LRRC40: variants seen among roughly 807,000 people sequenced by gnomAD.
LRRC40 encodes leucine rich repeat containing 40.
LRRC40 carries 76 observed loss-of-function variants against 72.8 expected under a neutral mutation model. The observed-to-expected ratio is 1.04, with a 90% CI of 0.87 to 1.26. The LOEUF (loss-of-function observed/expected upper bound fraction) is 1.26, where lower values mean the gene tolerates loss of function less well. LRRC40 is among the 50% of genes most tolerant of loss of function. The pLI, the probability that LRRC40 is intolerant of heterozygous loss-of-function variation, is 0.00. For synonymous variants in LRRC40, 243 were observed against 254.2 expected (o/e 0.96, Z 0.42); for missense variants, 684 against 698.9 (o/e 0.98, Z 0.24).
chr1:70,201,318 T>A (rs1668733144), intron 1 of LRRC40, among the ~76,000 whole-genome samples: 1 of 152,314 alleles, frequency 6.6e-6, no homozygotes, highest in South Asian at 2.1e-4. Flanking sequence ...AAGGGACAAG[T>A]TAGTAAGTTT....
intron 1 of LRRC40, among the ~76,000 whole-genome samples, chr1:70,196,286 A>G (rs1353729871): frequency 6.6e-6 from 1 of 152,166 alleles, no homozygotes; most frequent in African/African-American, 2.4e-5. Flanking sequence ...GTGGTGGCTC[A>G]TGCCCATAAT....
chr1:70,193,742 G>T (rs918258208), intron 1 of LRRC40, among the ~76,000 whole-genome samples: 4 of 151,888 alleles, frequency 2.6e-5, no homozygotes, highest in African/African-American at 9.7e-5. Flanking sequence ...TATATAAAAA[G>T]GATAACATAT....
chr1:70,200,828 C>G (rs1481504272), intron 1 of LRRC40, among the ~76,000 whole-genome samples: 2 of 151,910 alleles, frequency 1.3e-5, no homozygotes, highest in South Asian at 2.1e-4. Context: ...AGAGAGCGTG[C>G]AAGAGAGAGA....
intron 10 of LRRC40, among the ~76,000 whole-genome samples, chr1:70,157,029 A>G (rs1667652729): frequency 1.3e-5 from 2 of 152,176 alleles, no homozygotes; most frequent in South Asian, 4.1e-4. Flanking sequence ...TCTTCTTTTA[A>G]AATTATTAGT....
intron 14 of LRRC40, among the ~76,000 whole-genome samples, chr1:70,146,457 A>G (rs1667297293): frequency 1.3e-5 from 2 of 152,210 alleles, no homozygotes; most frequent in African/African-American, 4.8e-5. Flanking sequence ...CACTCTTAAC[A>G]ATCCTATTTT....
At chr1:70,177,159 C>T (rs562645969) in intron 6 of LRRC40, among the ~76,000 whole-genome samples, 3 of 152,038 alleles carry the variant, frequency 2.0e-5, no homozygotes, top group Non-Finnish European at 4.4e-5. Context: ...ACCTGTAATC[C>T]CAGCTACTCG....
At chr1:70,200,241 A>C (rs181246826) in intron 1 of LRRC40, among the ~76,000 whole-genome samples, 41 of 152,280 alleles carry the variant, frequency 2.7e-4, no homozygotes, top group Admixed American at 2.7e-3. Flanking sequence ...CCAAGGCAGG[A>C]GGATTGTGGA....
intron 13 of LRRC40, among the ~76,000 whole-genome samples, chr1:70,149,164 C>A (rs537717719): frequency 6.6e-6 from 1 of 152,140 alleles, no homozygotes; most frequent in Non-Finnish European, 1.5e-5. Flanking sequence ...TCCAAGCAAC[C>A]CTGAAGATGC....
At chr1:70,169,643 G>A (rs937227348) in intron 9 of LRRC40, among the ~76,000 whole-genome samples, 1 of 151,942 alleles carries the variant, frequency 6.6e-6, no homozygotes, top group African/African-American at 2.4e-5. Flanking sequence ...AAATGAAAAG[G>A]ATAAACTATG....
At chr1:70,165,738 G>C (rs2100267584) in intron 9 of LRRC40, among the ~76,000 whole-genome samples, 1 of 151,846 alleles carries the variant, frequency 6.6e-6, no homozygotes, top group African/African-American at 2.4e-5. Flanking sequence ...AGAAAATTTA[G>C]AGATAATTAA....
intron 7 of LRRC40, 95 bp from the exon 8 acceptor site, chr1:70,173,804 C>T: frequency 3.3e-6 from 2 of 597,162 alleles, no homozygotes; most frequent in South Asian, 5.3e-5. Flanking sequence ...AACAACATAT[C>T]ACAGAATAGT....
At chr1:70,166,801 C>T (rs991141079) in intron 9 of LRRC40, among the ~76,000 whole-genome samples, 10 of 151,744 alleles carry the variant, frequency 6.6e-5, no homozygotes, top group Non-Finnish European at 1.2e-4. Flanking sequence ...TTCTGAACTT[C>T]TTAAACAATA....
Position 70,178,878 on chromosome 1 carries a change from T to C in LRRC40, c.777A>G (p.Pro259=). 6.3e-7 allele frequency: 1 copy of C among 1,597,236 alleles called. No homozygotes were observed. Among genetic ancestry groups the C allele is most frequent in the Middle Eastern group, 1.7e-4 (1 of 6,004 alleles). Residue 259 remains proline (P), a synonymous_variant, in exon 6 of 15, where the codon CCA becomes CCG. Transcript: ENST00000370952. The part of the protein sequence containing the change: ...YLRRNKLRFL[P]EFPSCSLLKE... ...TCAATAGACTACAAGAAGGAAATTC[T>C]GGTAGAAAACGTAATTTATTCCTCC...
intron 14 of LRRC40, chr1:70,147,252 G>A (rs1017457869): frequency 1.3e-5 from 2 of 152,100 alleles, no homozygotes; most frequent in Non-Finnish European, 2.9e-5. Context: ...TACTGTAAAC[G>A]GGTCATTTTG....
rs910436326 is a variant in LRRC40, at chr1:70,181,227, C to A, written c.538-18G>T. The A allele has an allele frequency of 4.9e-6, 7 of 1,439,396 alleles. No individual in the cohort carries two copies. Among genetic ancestry groups the A allele is most frequent in the East Asian group, 2.5e-5 (1 of 40,692 alleles). 89.2% of individuals were successfully genotyped at this position (1,439,396 alleles called of 1,614,324 possible). ...GAAAGATCCTTTAAAAAGAGAAAGA[C>A]AAAATAAATGAATAAACAAGTAAAA... On this transcript the variant is annotated intron_variant, in intron 4 of 14. Coordinates refer to ENST00000370952, the MANE Select transcript of LRRC40 (RefSeq NM_017768.5).
intron 1 of LRRC40, among the ~76,000 whole-genome samples, chr1:70,202,671 C>A (rs971790999): frequency 1.3e-5 from 2 of 152,120 alleles, no homozygotes; most frequent in African/African-American, 4.8e-5. Flanking sequence ...TGAGCCCTAA[C>A]AAACCTATGA....
chr1:70,145,656 A>T lies in LRRC40; in HGVS notation c.*144T>A, dbSNP rs1003217938. On this transcript the variant is annotated 3_prime_UTR_variant, in exon 15 of 15. Transcript: ENST00000370952. Reference sequence around the variant, plus strand: ...GCAGTGAATATGGCCCAGGCTAATTATACCAACAGGTAGGTGATACTGGGA... The same window carrying T: ...GCAGTGAATATGGCCCAGGCTAATTTTACCAACAGGTAGGTGATACTGGGA... The T allele has an allele frequency of 1.0e-5, 5 of 487,660 alleles. No homozygotes were observed. Among genetic ancestry groups the T allele is most frequent in the Non-Finnish European group, 1.8e-5 (5 of 272,302 alleles). 30.2% of individuals were successfully genotyped at this position (487,660 alleles called of 1,614,324 possible).
intron 11 of LRRC40, among the ~76,000 whole-genome samples, chr1:70,153,249 C>A (rs1243130032): frequency 6.6e-6 from 1 of 151,904 alleles, no homozygotes. Flanking sequence ...GTAATCCCAG[C>A]TACTCGGGAG....
In LRRC40 at chr1:70,205,462, C is replaced by T. The variant is rs528483793; in HGVS notation, c.79G>A (p.Val27Ile). Residue 27 changes from valine (V) to isoleucine (I), a missense_variant, in exon 1 of 15, where the codon GTA (valine) becomes ATA (isoleucine). By Grantham distance (29) the Val-to-Ile change is conservative. Transcript: ENST00000370952. ...KAGGRDCGTS[V>I]PQGLLKAARK... ...GCTGCCTTCAACAGCCCTTGGGGTA[C>T]CGAGGTACCGCAGTCTCTTCCACCT... The T allele has an allele frequency of 1.2e-6, 2 of 1,610,122 alleles. No homozygotes were observed. Among genetic ancestry groups the T allele is most frequent in the Non-Finnish European group, 1.7e-6 (2 of 1,176,858 alleles).
Sources: gnomAD v4.1 joint callset for allele counts (sites outside exome capture counted in the v4.1 genomes callset) on GRCh38, gnomAD v4.1.1 for gene constraint, MANE v1.5 for transcripts, NCBI Gene and HGNC (gene_info 2026-07-23, HGNC 2026-07-21) for gene names.